ASPH: variants seen among roughly 807,000 people sequenced by gnomAD.
ASPH encodes aspartate beta-hydroxylase.
ASPH carries 100 observed loss-of-function variants against 118.4 expected under a neutral mutation model. That is an observed-to-expected ratio of 0.84 (90% CI 0.72 to 1.00). The LOEUF is 1.00. Ranked by LOEUF, ASPH falls within the 50% of genes least tolerant of loss-of-function variation. The pLI is 0.00. For synonymous variants in ASPH, 315 were observed against 325.6 expected (o/e 0.97, Z 0.35); for missense variants, 920 against 919.5 (o/e 1.00, Z -0.01).
intron 21 of ASPH, among the ~76,000 whole-genome samples, chr8:61,539,518 C>CA (rs1378017616): frequency 6.6e-6 from 1 of 152,106 alleles, no homozygotes; most frequent in Non-Finnish European, 1.5e-5. Flanking sequence ...GTTATACTTC[C>CA]AGGATCTTGC....
chr8:61,562,389 C>CTCTCTGTGTG (rs71257370), intron 18 of ASPH, among the ~76,000 whole-genome samples: 2 of 128,994 alleles, frequency 1.6e-5, no homozygotes, highest in Non-Finnish European at 3.2e-5. Context: ...GAAAGTGTGT[C>CTCTCTGTGTG]TGTGTGTGTG....
At chr8:61,579,952 C>G (rs886888748) in intron 15 of ASPH, among the ~76,000 whole-genome samples, 3 of 122,608 alleles carry the variant, frequency 2.4e-5, no homozygotes, top group Non-Finnish European at 5.2e-5. Context: ...TTCGCCAAAA[C>G]AAAGGGGCTT....
At chr8:61,506,820 T>C (rs1806761290) in intron 24 of ASPH, among the ~76,000 whole-genome samples, 1 of 152,170 alleles carries the variant, frequency 6.6e-6, no homozygotes, top group Non-Finnish European at 1.5e-5. Flanking sequence ...AAAAATGACA[T>C]ATGCATCACT....
chr8:61,638,488 A>T (rs1858917469), intron 10 of ASPH, 125 bp from the exon 11 acceptor site: 5 of 815,282 alleles, frequency 6.1e-6, no homozygotes, highest in Non-Finnish European at 9.8e-6. Flanking sequence ...AGTCACTGGG[A>T]AACAGCCGAC....
chr8:61,573,912 A>G (rs192064032), intron 16 of ASPH, among the ~76,000 whole-genome samples: 2,553 of 152,316 alleles, frequency 0.017, 32 homozygotes, highest in Middle Eastern at 0.037. Context: ...GTGAACAGGC[A>G]ACCTACAGAA....
chr8:61,583,160 A>G (rs1235360677), intron 15 of ASPH: 1 of 152,174 alleles, frequency 6.6e-6, no homozygotes, highest in Non-Finnish European at 1.5e-5. Flanking sequence ...TCTACCAATT[A>G]CTATCCTGAG....
intron 24 of ASPH, among the ~76,000 whole-genome samples, chr8:61,513,001 G>C (rs892117382): frequency 1.3e-5 from 2 of 152,194 alleles, no homozygotes; most frequent in Admixed American, 6.5e-5. Flanking sequence ...ATTTACAGTG[G>C]TAAGGGCTGC....
chr8:61,541,264 TA>T (rs1191799235), intron 21 of ASPH, among the ~76,000 whole-genome samples: 1 of 152,132 alleles, frequency 6.6e-6, no homozygotes, highest in Non-Finnish European at 1.5e-5. Flanking sequence ...CTTGGGAGGC[TA>T]AGGCAGGAGA....
chr8:61,614,489 G>A (rs771361887), intron 14 of ASPH, among the ~76,000 whole-genome samples: 1 of 152,142 alleles, frequency 6.6e-6, no homozygotes. Flanking sequence ...AGGTTAGAGT[G>A]AATTCTTTTC....
chr8:61,583,442 C>T, intron 15 of ASPH: 1 of 152,376 alleles, frequency 6.6e-6, no homozygotes, highest in Non-Finnish European at 1.5e-5. Flanking sequence ...CATCTGTAAT[C>T]CCAGCTACTC....
chr8:61,521,079 TCAC>T (rs1812795697), intron 22 of ASPH, among the ~76,000 whole-genome samples: 1 of 152,196 alleles, frequency 6.6e-6, no homozygotes, highest in Admixed American at 6.5e-5. Context: ...TCCTTGATGC[TCAC>T]GACAGGCCAG....
intron 24 of ASPH, among the ~76,000 whole-genome samples, chr8:61,508,191 T>G (rs1320292182): frequency 6.6e-6 from 1 of 152,088 alleles, no homozygotes; most frequent in Non-Finnish European, 1.5e-5. Context: ...ATTTTTGGAT[T>G]TTTTTGTAGA....
chr8:61,597,228 C>G (rs1450781754), intron 14 of ASPH, among the ~76,000 whole-genome samples: 1 of 149,672 alleles, frequency 6.7e-6, no homozygotes, highest in Non-Finnish European at 1.5e-5. Flanking sequence ...ATGAAGGGGC[C>G]TGGCATGGTC....
intron 1 of ASPH, 101 bp downstream of exon 1, chr8:61,714,168 C>G (rs939735208): frequency 1.0e-5 from 13 of 1,272,060 alleles, no homozygotes; most frequent in East Asian, 3.2e-5. Flanking sequence ...GGAGGCGGCG[C>G]GCGGTGGGAC....
intron 16 of ASPH, among the ~76,000 whole-genome samples, chr8:61,574,960 C>A (rs762801595): frequency 4.6e-5 from 7 of 152,180 alleles, no homozygotes; most frequent in Admixed American, 3.9e-4. Flanking sequence ...GCTTCCCTGC[C>A]CCAGCATGCC....
At chr8:61,701,111 C>CT (rs1178659045) in intron 1 of ASPH, among the ~76,000 whole-genome samples, 1 of 152,130 alleles carries the variant, frequency 6.6e-6, no homozygotes, top group Non-Finnish European at 1.5e-5. Context: ...CACTGTTCTG[C>CT]TTTTTTTCTC....
At chr8:61,622,350 TAAAC>T (rs560363171) in intron 13 of ASPH, among the ~76,000 whole-genome samples, 172 of 152,174 alleles carry the variant, frequency 1.1e-3, no homozygotes, top group African/African-American at 3.9e-3. Flanking sequence ...GTCTCAAAAA[TAAAC>T]AAACAAAAAA....
At chr8:61,546,026 G>A (rs1459535589) in intron 21 of ASPH, among the ~76,000 whole-genome samples, 1 of 152,198 alleles carries the variant, frequency 6.6e-6, no homozygotes, top group Admixed American at 6.5e-5. Context: ...AACTGTGAGT[G>A]CCCATGAGAC....
At chr8:61,628,339 T>C in intron 13 of ASPH, 2 of 356,382 alleles carry the variant, frequency 5.6e-6, no homozygotes, top group East Asian at 8.3e-5. Flanking sequence ...TTTTTTTTTT[T>C]TTTTTTTTTT....
Sources: gnomAD v4.1 joint callset for allele counts (sites outside exome capture counted in the v4.1 genomes callset) on GRCh38, gnomAD v4.1.1 for gene constraint, MANE v1.5 for transcripts, NCBI Gene and HGNC (gene_info 2026-07-23, HGNC 2026-07-21) for gene names.